ARHGAP35: variants seen among roughly 807,000 people sequenced by gnomAD.
ARHGAP35 encodes the protein rho GTPase-activating protein 35.
Under a neutral mutation model 111.1 loss-of-function variants are expected in ARHGAP35, and 15 were observed. The ratio of observed to expected loss-of-function variants is 0.13; its 90% CI spans 0.09 to 0.21. The LOEUF is 0.21. Ranked by LOEUF, ARHGAP35 falls within the 10% of genes least tolerant of loss-of-function variation. ARHGAP35 has a pLI of 1.00. For missense variants in ARHGAP35, 1,262 were observed against 1,873.0 expected (o/e 0.67, Z 6.02); for synonymous variants, 643 against 710.3 (o/e 0.91, Z 1.51).
rs967701157 is a variant in ARHGAP35, at chr19:46,908,452, A to C, written c.-188-10036A>C. On this transcript the variant is annotated intron_variant, in intron 1 of 6. Transcript: ENST00000672722. The surrounding 1 kb of genome is among the most constrained non-coding windows in gnomAD (Gnocchi z 4.2). ...GGTTTTGTATTCCCTTTGACGTAGA[A>C]TATTTTTACAGCTTATCAGAATCTT... 2.0e-5 allele frequency among the ~76,000 whole-genome samples: 3 copies of C among 152,142 alleles called. No homozygotes were observed. Among genetic ancestry groups the C allele is most frequent in the African/African-American group, 7.2e-5 (3 of 41,396 alleles).
Position 46,989,689 on chromosome 19 carries a change from G to GCACTC in ARHGAP35, c.4036+15_4036+16insACTCC. On this transcript the variant is annotated intron_variant, in intron 5 of 6. Transcript: ENST00000672722. The surrounding 1 kb of genome is among the most constrained non-coding windows in gnomAD (Gnocchi z 5.3). The stretch of plus-strand genomic sequence containing the variant: ...TGGAAGCACACAGTGAGTACCGGCA[G>GCACTC]CCCAGTGTTGGGCGGATTGAGGGAG... The GCACTC allele has an allele frequency of 6.2e-7, 1 of 1,613,618 alleles. No individual in the cohort carries two copies. The highest frequency in any genetic ancestry group is 8.5e-7 in the Non-Finnish European group (1 of 1,179,702).
At chr19:46,984,768 C>T (rs1473188447) in intron 3 of ARHGAP35, among the ~76,000 whole-genome samples, 1 of 152,146 alleles carries the variant, frequency 6.6e-6, no homozygotes, top group Non-Finnish European at 1.5e-5. Flanking sequence ...TGTGACGATC[C>T]ATCTAGTGAA....
At chr19:46,928,589 G>A (rs1040394704) in intron 2 of ARHGAP35, among the ~76,000 whole-genome samples, 6 of 148,142 alleles carry the variant, frequency 4.1e-5, no homozygotes, top group South Asian at 2.1e-4. Context: ...TTGTCTTCTC[G>A]GGGGGGTGGA....
chr19:46,882,174 C>T (rs1031201519), intron 1 of ARHGAP35, among the ~76,000 whole-genome samples: 2 of 151,786 alleles, frequency 1.3e-5, no homozygotes, highest in African/African-American at 4.8e-5. Flanking sequence ...CGCTCTGTCA[C>T]CCAGCATGGA....
intron 3 of ARHGAP35, among the ~76,000 whole-genome samples, chr19:46,956,955 A>G (rs569190506): frequency 3.2e-4 from 35 of 109,864 alleles, no homozygotes; most frequent in African/African-American, 1.4e-3. Flanking sequence ...CTTAAAGCAG[A>G]CTTTTTTTTT....
chr19:46,906,623 T>A (rs1432320071), intron 1 of ARHGAP35, among the ~76,000 whole-genome samples: 1 of 152,248 alleles, frequency 6.6e-6, no homozygotes, highest in East Asian at 1.9e-4. Context: ...AGCTCCACTT[T>A]GTATTTAGTA....
intron 2 of ARHGAP35, among the ~76,000 whole-genome samples, chr19:46,925,799 G>C (rs2056234758): frequency 6.6e-6 from 1 of 152,162 alleles, no homozygotes; most frequent in Non-Finnish European, 1.5e-5. Flanking sequence ...CTGCAAAAGA[G>C]GGAGCACCTT....
intron 3 of ARHGAP35, among the ~76,000 whole-genome samples, chr19:46,977,612 CAG>C (rs1396538602): frequency 6.6e-6 from 1 of 152,202 alleles, no homozygotes; most frequent in Non-Finnish European, 1.5e-5. Context: ...CCTGTGAACT[CAG>C]GGGTCTACCA....
chr19:46,978,568 T>TGTG (rs1365154972), intron 3 of ARHGAP35, among the ~76,000 whole-genome samples: 1 of 104,356 alleles, frequency 9.6e-6, no homozygotes, highest in Non-Finnish European at 2.0e-5. Flanking sequence ...GTGTGTGTGG[T>TGTG]GGGATGTGTG....
chr19:46,962,120 G>A (rs2056487039), intron 3 of ARHGAP35, among the ~76,000 whole-genome samples: 1 of 152,182 alleles, frequency 6.6e-6, no homozygotes, highest in African/African-American at 2.4e-5. Flanking sequence ...GTTTACACAA[G>A]TGTGGTCATT....
chr19:46,893,944 A>G (rs1429533306), intron 1 of ARHGAP35, among the ~76,000 whole-genome samples: 1 of 148,950 alleles, frequency 6.7e-6, no homozygotes, highest in Non-Finnish European at 1.5e-5. Context: ...CTTAAATACA[A>G]CTTTATATTG....
intron 3 of ARHGAP35, among the ~76,000 whole-genome samples, chr19:46,940,646 G>A (rs1202359253): frequency 6.7e-6 from 1 of 150,050 alleles, no homozygotes; most frequent in Non-Finnish European, 1.5e-5. Flanking sequence ...TGGTAGAGAT[G>A]GGGTTTCTGT....
intron 3 of ARHGAP35, among the ~76,000 whole-genome samples, chr19:46,956,021 T>G (rs756691756): frequency 2.6e-5 from 4 of 152,138 alleles, no homozygotes; most frequent in Non-Finnish European, 5.9e-5. Flanking sequence ...GTCAAAACTT[T>G]GTTTCATGCA....
chr19:46,899,672 C>T (rs553214858), intron 1 of ARHGAP35, among the ~76,000 whole-genome samples: 4 of 151,572 alleles, frequency 2.6e-5, no homozygotes, highest in African/African-American at 7.3e-5. Context: ...TACACTCCAG[C>T]CTGGGTGACA....
In ARHGAP35 at chr19:46,964,698, A is replaced by C. The variant is rs373430568; in HGVS notation, c.3827-23291A>C. 4.9e-4 allele frequency among the ~76,000 whole-genome samples: 75 copies of C among 152,354 alleles called. 2 individuals are homozygous for C. The South Asian group carries it at 0.015, about 31-fold the overall frequency. ...AATATTTGCTTGATAGGGCAGTTTC[A>C]GTTCAGCAGAAGGGCTGGTGTGGCT... On this transcript the variant is annotated intron_variant, in intron 3 of 6. Transcript: ENST00000672722.
At chr19:46,978,686 G>GAT (rs1555765576) in intron 3 of ARHGAP35, among the ~76,000 whole-genome samples, 56 of 80,068 alleles carry the variant, frequency 7.0e-4, no homozygotes, top group Admixed American at 1.7e-3. Flanking sequence ...TGTGTGGTGG[G>GAT]ATGTGTGTGT....
In ARHGAP35 at chr19:46,888,444, C is replaced by T. The variant is rs1017833222; in HGVS notation, c.-189+27235C>T. ...CAGCTTCCCTCATGCCCTTGGGTAA[C>T]GGTGGCTGTGGTTTGCTCTGTACCA... On this transcript the variant is annotated intron_variant, in intron 1 of 6. Coordinates refer to ENST00000672722, the MANE Select transcript of ARHGAP35 (RefSeq NM_004491.5). Among the ~76,000 whole-genome samples, 30 of 149,212 alleles carry T rather than the reference C, an allele frequency of 2.0e-4. 1 individual carries two copies. Among genetic ancestry groups the T allele is most frequent in the Non-Finnish European group, 2.2e-4 (15 of 67,302 alleles).
chr19:46,869,456 C>A (rs143514674), intron 1 of ARHGAP35, among the ~76,000 whole-genome samples: 15 of 149,898 alleles, frequency 1.0e-4, no homozygotes, highest in Non-Finnish European at 1.6e-4. Context: ...TGGAGTGAGA[C>A]CTTGTCTCAA....
At chr19:46,863,239 T>A (rs2055838467) in intron 1 of ARHGAP35, among the ~76,000 whole-genome samples, 1 of 152,188 alleles carries the variant, frequency 6.6e-6, no homozygotes, top group Non-Finnish European at 1.5e-5. Context: ...GATTGGGCCT[T>A]AGGCTCTCCA....
Sources: allele counts gnomAD v4.1 joint callset (sites outside exome capture counted in the v4.1 genomes callset), GRCh38; gene constraint gnomAD v4.1.1; non-coding constraint Gnocchi (gnomAD v3.1); transcripts MANE v1.5; gene names NCBI Gene and HGNC (gene_info 2026-07-23, HGNC 2026-07-21).